TMEM67: variants seen among roughly 807,000 people sequenced by gnomAD.
TMEM67 encodes the protein transmembrane protein 67, also known as meckelin.
Under a neutral mutation model 136.6 loss-of-function variants are expected in TMEM67, and 124 were observed. The observed-to-expected ratio is 0.91, with a 90% CI of 0.78 to 1.05. The LOEUF is 1.05. Among genes scored for constraint, TMEM67 ranks in the 50% least tolerant of loss-of-function variants. The pLI is 0.00. For missense variants in TMEM67, 1,107 were observed against 1,178.4 expected, an observed-to-expected ratio of 0.94 and a Z score of 0.89; for synonymous variants, 364 against 390.5, an observed-to-expected ratio of 0.93 and a Z score of 0.80.
intron 2 of TMEM67, among the ~76,000 whole-genome samples, chr8:93,757,564 AG>A (rs1388687148): frequency 6.6e-6 from 1 of 151,634 alleles, no homozygotes; most frequent in Non-Finnish European, 1.5e-5. Context: ...TGAACCTGGG[AG>A]GCAGAGCTTG....
At chr8:93,791,423 C>T in intron 15 of TMEM67, 104 bp downstream of exon 15, 1 of 740,738 alleles carries the variant, frequency 1.3e-6, no homozygotes, top group Non-Finnish European at 2.4e-6. Context: ...CTATTCTTTC[C>T]CCAGACTCCC....
chr8:93,823,712 G>T (rs955416790), downstream of TMEM67, among the ~76,000 whole-genome samples: 4 of 152,162 alleles, frequency 2.6e-5, no homozygotes, highest in African/African-American at 9.7e-5. Flanking sequence ...GAATTGACCA[G>T]ATTCGAAAAG....
At chr8:93,758,843 C>A (rs1812695037) in intron 3 of TMEM67, 2 of 387,518 alleles carry the variant, frequency 5.2e-6, no homozygotes, top group Non-Finnish European at 9.4e-6. Context: ...GAGAGATCTT[C>A]CTGCCTCAGC....
chr8:93,764,287 A>G (rs2130578856), intron 4 of TMEM67, among the ~76,000 whole-genome samples: 2 of 152,344 alleles, frequency 1.3e-5, no homozygotes, highest in Middle Eastern at 3.4e-3. Flanking sequence ...GCTACATAGT[A>G]ACCACTCTGT....
chr8:93,773,879 T>C (rs1473818508), intron 7 of TMEM67, among the ~76,000 whole-genome samples: 1 of 152,224 alleles, frequency 6.6e-6, no homozygotes, highest in Non-Finnish European at 1.5e-5. Context: ...TTCTTGTCTT[T>C]ATATTTTAAC....
rs1813774718 is a variant in TMEM67, at chr8:93,780,620, G to A, written c.742G>A (p.Ala248Thr). 1.2e-6 allele frequency: 2 copies of A among 1,614,088 alleles called. No individual in the cohort carries two copies. The highest frequency in any genetic ancestry group is 4.5e-5 in the East Asian group (2 of 44,870). ...WVYANLTSCQ[A>T]LGNMCVMNMN... ...ATATGCCAATCTAACATCTTGTCAA[G>A]CTCTTGGAAATATGTGTGTGATGAA... The change falls in exon 8 of 28, where the codon GCT (alanine) becomes ACT (threonine). Residue 248 changes from alanine (A) to threonine (T), a missense_variant. Transcript: ENST00000453321.
At chr8:93,810,282 T>C (rs1808651253) in intron 26 of TMEM67, among the ~76,000 whole-genome samples, 1 of 149,508 alleles carries the variant, frequency 6.7e-6, no homozygotes, top group Non-Finnish European at 1.5e-5. Flanking sequence ...ATTTTTCTTT[T>C]GGTTTAATAA....
intron 6 of TMEM67, among the ~76,000 whole-genome samples, chr8:93,766,034 T>C (rs1050240745): frequency 3.9e-5 from 6 of 152,196 alleles, no homozygotes; most frequent in Non-Finnish European, 5.9e-5. Flanking sequence ...AAGTTGGACA[T>C]AATAAAAATA....
chr8:93,805,595 AAAAG>A lies in TMEM67; in HGVS notation c.2439+722_2439+725del, dbSNP rs1490447573. 2.2e-4 allele frequency among the ~76,000 whole-genome samples: 34 copies of A among 152,046 alleles called. No homozygotes were observed. In the East Asian group the frequency reaches 3.9e-3, roughly 17 times the overall value. ...GACTCCGTCTCAAAAAAAAAAAAAA[AAAAG>A]AAAGTTGCTAGGGACCAACTCACCC... is the stretch of plus-strand genomic sequence containing the variant. On this transcript the variant is annotated intron_variant, in intron 23 of 27. Coordinates refer to ENST00000453321, the MANE Select transcript of TMEM67 (RefSeq NM_153704.6).
In TMEM67 at chr8:93,755,811, T is replaced by C; in HGVS notation, c.257T>C (p.Met86Thr). The C allele has an allele frequency of 6.4e-7, 1 of 1,563,778 alleles. No individual in the cohort carries two copies. Among genetic ancestry groups the C allele is most frequent in the Non-Finnish European group, 8.7e-7 (1 of 1,143,508 alleles). The change falls in exon 2 of 28, where the codon ATG (methionine) becomes ACG (threonine). Residue 86 changes from methionine to threonine, a missense_variant. Coordinates refer to ENST00000453321, the MANE Select transcript of TMEM67 (RefSeq NM_153704.6). ...TSCVCLPGFQ[M>T]ISNNGGPAII... ...TGTGTATGTCTACCAGGATTTCAGA[T>C]GATCTCTAATAATGGAGGACCTGCT... is the stretch of plus-strand genomic sequence containing the variant.
At chr8:93,758,905 A>G (rs1236020507) in intron 3 of TMEM67, 1 of 195,786 alleles carries the variant, frequency 5.1e-6, no homozygotes, top group African/African-American at 2.3e-5. Flanking sequence ...AGCCCTTAAT[A>G]GTGTTTATAA....
intron 16 of TMEM67, among the ~76,000 whole-genome samples, chr8:93,794,397 C>T (rs1026365345): frequency 6.6e-6 from 1 of 152,132 alleles, no homozygotes; most frequent in Non-Finnish European, 1.5e-5. Context: ...GTACCAGGCA[C>T]TTTTTAAAGC....
At chr8:93,826,237 C>T in the TMEM67 span, among the ~76,000 whole-genome samples, 1 of 138,192 alleles carries the variant, frequency 7.2e-6, no homozygotes, top group Non-Finnish European at 1.5e-5. Context: ...TCACGCCATT[C>T]TCCTGCCTCA....
At position 93,781,757 on chromosome 8, in the gene TMEM67, CTAGT is replaced by C. The variant is rs753415244; in HGVS notation, c.1065+16_1065+19del. ...AGGTGTTTTACAGGTAAGCATGATTCTAGTTAAAGAATTAATAACATGCATTATT... is the reference window on the plus strand; with the variant it reads ...AGGTGTTTTACAGGTAAGCATGATTCTAAAGAATTAATAACATGCATTATT... On this transcript the variant is annotated intron_variant, in intron 10 of 27. Transcript: ENST00000453321. The C allele has an allele frequency of 1.3e-6, 2 of 1,516,698 alleles. No homozygotes were observed. 94.0% of individuals were successfully genotyped at this position (1,516,698 alleles called of 1,614,324 possible). A position where few individuals can be genotyped will look rare whatever the true frequency, so the allele number is the denominator to read the frequency against.
At chr8:93,831,864 T>C in the TMEM67 span, among the ~76,000 whole-genome samples, 20 of 152,228 alleles carry the variant, frequency 1.3e-4, no homozygotes, top group Non-Finnish European at 2.5e-4. Flanking sequence ...CCACTTCACC[T>C]TTCCTTCATT....
Position 93,817,285 on chromosome 8 carries a change from A to G in TMEM67, c.*833A>G, listed in dbSNP as rs1486557578. The G allele has an allele frequency of 2.6e-5, 4 of 152,274 alleles. No individual in the cohort carries two copies. In the East Asian group the frequency reaches 7.7e-4, roughly 29 times the overall value. 9.4% of individuals were successfully genotyped at this position (152,274 alleles called of 1,614,324 possible). A position where few individuals can be genotyped will look rare whatever the true frequency, so the allele number is the denominator to read the frequency against. On this transcript the variant is annotated 3_prime_UTR_variant, in exon 28 of 28. Coordinates refer to ENST00000453321, the MANE Select transcript of TMEM67 (RefSeq NM_153704.6). ...TGTGGCTTACGCCTGTAATCCCAGC[A>G]CTTTGGAAGGCCAAGGCACGTGGAT...
At chr8:93,796,089 C>T (rs1390611189) in intron 18 of TMEM67, 102 bp downstream of exon 18, 1 of 836,156 alleles carries the variant, frequency 1.2e-6, no homozygotes, top group Non-Finnish European at 2.0e-6. Context: ...GTGAAATTCA[C>T]TTTGGTTTTG....
downstream of TMEM67, among the ~76,000 whole-genome samples, chr8:93,821,581 C>T (rs1359122202): frequency 6.6e-6 from 1 of 152,194 alleles, no homozygotes; most frequent in African/African-American, 2.4e-5. Flanking sequence ...TGAGCCACTG[C>T]ACCTAGCCTG....
chr8:93,786,473 T>G, intron 13 of TMEM67, 127 bp downstream of exon 13: 1 of 1,072,110 alleles, frequency 9.3e-7, no homozygotes, highest in Non-Finnish European at 1.4e-6. Flanking sequence ...TTTAGGTGTA[T>G]GTGTAGATTG....
Sources: allele counts gnomAD v4.1 joint callset (sites outside exome capture counted in the v4.1 genomes callset), GRCh38; gene constraint gnomAD v4.1.1; transcripts MANE v1.5; gene names NCBI Gene and HGNC (gene_info 2026-07-23, HGNC 2026-07-21).